The following PLXNA1 variants were observed in gnomAD, a reference collection of about 807,000 sequenced individuals.
PLXNA1 encodes plexin-A1.
A neutral mutation model predicts 191.7 loss-of-function variants in PLXNA1; 77 were observed. The observed-to-expected ratio is 0.40, with a 90% confidence interval of 0.33 to 0.49. The LOEUF is 0.49. Ranked by LOEUF, PLXNA1 falls within the 20% of genes least tolerant of loss-of-function variation. PLXNA1 has a pLI of 0.63. For missense variants in PLXNA1, 2,110 were observed against 2,660.2 expected (o/e 0.79, Z 4.55); for synonymous variants, 1,137 against 1,156.4 (o/e 0.98, Z 0.34).
intron 3 of PLXNA1, among the ~76,000 whole-genome samples, chr3:126,998,413 G>T (rs1288745998): frequency 6.6e-6 from 1 of 152,164 alleles, no homozygotes; most frequent in African/African-American, 2.4e-5. Flanking sequence ...GATGGTCCCT[G>T]CTGCCTGTGT....
chr3:127,005,725 C>A (rs1202392612), intron 7 of PLXNA1, among the ~76,000 whole-genome samples: 1 of 146,292 alleles, frequency 6.8e-6, no homozygotes, highest in African/African-American at 2.6e-5. Flanking sequence ...GAGGGGTGGG[C>A]TATGTGGGGC....
chr3:127,030,301 G>T lies in PLXNA1; in HGVS notation c.5120G>T (p.Arg1707Leu). Reference protein sequence around the residue: ...LFETIFSTAHRGSALPLAIKY... With the variant: ...LFETIFSTAHLGSALPLAIKY... ...GAGACCATCTTCAGCACGGCACACC[G>T]GGGCTCAGCCCTGCCGCTGGCCATC... The change falls in exon 29 of 32, where the codon CGG becomes CTG. Residue 1707 changes from arginine (R) to leucine (L), a missense_variant. This residue lies in a region of PLXNA1 where 559 missense variants were observed against 911.5 expected (regional missense o/e 0.61). Transcript: ENST00000393409. 1 of 1,613,934 alleles carries T rather than the reference G, an allele frequency of 6.2e-7. No individual in the cohort carries two copies. The highest frequency in any genetic ancestry group is 8.5e-7 in the Non-Finnish European group (1 of 1,180,022).
At chr3:127,005,437 G>A (rs575606925) in intron 7 of PLXNA1, among the ~76,000 whole-genome samples, 194 bp downstream of exon 7, 8 of 152,330 alleles carry the variant, frequency 5.3e-5, no homozygotes, top group Admixed American at 4.6e-4. Flanking sequence ...TAGCCAGAGT[G>A]AGAGCCTTCC....
Position 127,003,401 on chromosome 3 carries a change from C to CA in PLXNA1, c.1450dup (p.Ser484LysfsTer39). On this transcript the variant is annotated frameshift_variant, in exon 4 of 32. Transcript: ENST00000393409. LOFTEE classifies it high-confidence loss of function. ...ACGAGAGCGTCGTGGCCCAGGAGGG[C>CA]AGCCCCATCCTGCGAGACCTCGTCC... 6.2e-7 allele frequency: 1 copy of CA among 1,612,018 alleles called. No homozygotes were observed. The highest frequency in any genetic ancestry group is 8.5e-7 in the Non-Finnish European group (1 of 1,179,478).
intron 3 of PLXNA1, among the ~76,000 whole-genome samples, chr3:127,000,786 G>A (rs2079036441): frequency 6.6e-6 from 1 of 152,168 alleles, no homozygotes; most frequent in Admixed American, 6.5e-5. Flanking sequence ...GGGTGCACAG[G>A]GGCCCTGCTG....
chr3:127,028,688 A>G, intron 25 of PLXNA1: 2 of 532,886 alleles, frequency 3.8e-6, no homozygotes, highest in Non-Finnish European at 6.7e-6. Context: ...GTCCTGCTGC[A>G]GATGTGACTG....
At position 127,034,566 on chromosome 3, in the gene PLXNA1, C is replaced by T. The variant is rs945634948; in HGVS notation, c.*549C>T. On this transcript the variant is annotated 3_prime_UTR_variant, in exon 32 of 32. Coordinates refer to ENST00000393409, the MANE Select transcript of PLXNA1 (RefSeq NM_032242.4). ...TCAAGTCGGTCTGGGCCCGTTGCCA[C>T]CGACTCCCACCTCCAGCACCCATGC... 5.2e-5 allele frequency: 8 copies of T among 152,958 alleles called. No individual in the cohort carries two copies. The highest frequency in any genetic ancestry group is 1.9e-4 in the African/African-American group (8 of 41,592). 9.5% of individuals were successfully genotyped at this position (152,958 alleles called of 1,614,324 possible).
Position 127,028,485 on chromosome 3 carries a change from G to C in PLXNA1, c.4669+145G>C. 3.3e-6 allele frequency: 3 copies of C among 921,204 alleles called. No individual in the cohort carries two copies. The East Asian group carries it at 7.9e-5, about 24-fold the overall frequency. The allele number at this position is 921,204 out of a possible 1,614,324, so 57.1% of individuals were successfully genotyped here. A position where few individuals can be genotyped will look rare whatever the true frequency, so the allele number is the denominator to read the frequency against. ...AGGGCAGTGGAATGGCGAGTGGGCT[G>C]TCCAGTCCCAGGTTGGGTATAGAGG... On this transcript the variant is annotated intron_variant, in intron 25 of 31. Transcript: ENST00000393409.
At chr3:127,012,756 C>T (rs762650811) in intron 10 of PLXNA1, among the ~76,000 whole-genome samples, 4 of 152,350 alleles carry the variant, frequency 2.6e-5, no homozygotes, top group South Asian at 2.1e-4. Flanking sequence ...CGTTCAGTGA[C>T]GGGATCTCTA....
intron 23 of PLXNA1, chr3:127,027,513 G>A (rs111834153): frequency 1.1e-4 from 42 of 373,392 alleles, no homozygotes; most frequent in Non-Finnish European, 1.8e-4. Flanking sequence ...TGCCATGGGC[G>A]GTGGGCCATG....
intron 29 of PLXNA1, among the ~76,000 whole-genome samples, 184 bp from the exon 30 acceptor site, chr3:127,032,203 T>C (rs2079214947): frequency 6.6e-6 from 1 of 152,104 alleles, no homozygotes; most frequent in South Asian, 2.1e-4. Flanking sequence ...GGGCAGCACA[T>C]CTCTGGTTGG....
chr3:127,006,046 A>G, intron 7 of PLXNA1, 33 bp from the exon 8 acceptor site: 1 of 1,555,208 alleles, frequency 6.4e-7, no homozygotes, highest in Non-Finnish European at 8.9e-7. Context: ...CTGGGCAAGC[A>G]GTCCTGGTGA....
intron 9 of PLXNA1, among the ~76,000 whole-genome samples, chr3:127,008,215 C>T (rs1287443282): frequency 1.3e-5 from 2 of 152,132 alleles, no homozygotes; most frequent in Admixed American, 6.5e-5. Context: ...TGTCCCTGGG[C>T]CTCTGTGTGG....
At position 127,018,377 on chromosome 3, in the gene PLXNA1, C is replaced by A; in HGVS notation, c.3744C>A (p.Gly1248=). Residue 1248 remains glycine, a synonymous_variant, in exon 20 of 32, where the codon GGC becomes GGA. Transcript: ENST00000393409. ...DSLLTLPAIV[G]IGGGGGLLLL... Reference sequence around the variant, plus strand: ...TGCTGACGCTGCCTGCCATTGTGGGCATTGGCGGAGGCGGGGGTCTCCTGC... The same window carrying A: ...TGCTGACGCTGCCTGCCATTGTGGGAATTGGCGGAGGCGGGGGTCTCCTGC... 6.2e-7 allele frequency: 1 copy of A among 1,613,140 alleles called. No individual in the cohort carries two copies.
chr3:127,037,017 C>T lies in PLXNA1; in HGVS notation c.*3000C>T, dbSNP rs373209228. Reference sequence around the variant, plus strand: ...GCAGCGTCGAGTCCGGGAGAGAGCCCGGAGCGGCGTGCCATCTCGGCTCGG... The same window carrying T: ...GCAGCGTCGAGTCCGGGAGAGAGCCTGGAGCGGCGTGCCATCTCGGCTCGG... On this transcript the variant is annotated 3_prime_UTR_variant, in exon 32 of 32. Transcript: ENST00000393409. 1 of 152,402 alleles carries T rather than the reference C, an allele frequency of 6.6e-6. No homozygotes were observed. Among genetic ancestry groups the T allele is most frequent in the South Asian group, 2.1e-4 (1 of 4,832 alleles). The allele number at this position is 152,402 out of a possible 1,614,324, so 9.4% of individuals were successfully genotyped here.
chr3:127,013,840 T>A (rs2079107611), intron 10 of PLXNA1, among the ~76,000 whole-genome samples, 180 bp from the exon 11 acceptor site: 1 of 152,050 alleles, frequency 6.6e-6, no homozygotes, highest in African/African-American at 2.4e-5. Flanking sequence ...GTTGCTAGCC[T>A]GGAGAGAGGG....
intron 9 of PLXNA1, among the ~76,000 whole-genome samples, chr3:127,009,268 C>T (rs953298111): frequency 1.3e-5 from 2 of 152,028 alleles, no homozygotes; most frequent in Admixed American, 1.3e-4. Context: ...TCAGTGGCAG[C>T]CTTCCCTGAG....
At chr3:127,016,754 C>A in intron 16 of PLXNA1, 70 bp downstream of exon 16, 2 of 1,563,246 alleles carry the variant, frequency 1.3e-6, no homozygotes, top group Non-Finnish European at 1.8e-6. Flanking sequence ...AGCTCTTCCA[C>A]TGGGCACTTG....
intron 2 of PLXNA1, among the ~76,000 whole-genome samples, chr3:126,990,643 G>A (rs1025769008): frequency 4.6e-5 from 7 of 152,348 alleles, no homozygotes; most frequent in African/African-American, 1.7e-4. Context: ...AGTCTCCCAT[G>A]TCTGACCTGA....
Sources: gnomAD v4.1 joint callset for allele counts (sites outside exome capture counted in the v4.1 genomes callset) on GRCh38, gnomAD v4.1.1 for gene constraint, gnomAD v4.1.1 regional missense constraint, MANE v1.5 for transcripts, NCBI Gene and HGNC (gene_info 2026-07-23, HGNC 2026-07-21) for gene names.